ENOX1: variants seen among roughly 807,000 people sequenced by gnomAD.
ENOX1 encodes the protein candidate growth-related and time keeping constitutive hydroquinone (NADH) oxidase.
In ENOX1, 42 loss-of-function variants were observed where a neutral mutation model predicts 82.5. The observed-to-expected ratio is 0.51, with a 90% CI of 0.40 to 0.66. The LOEUF is 0.66. Among genes scored for constraint, ENOX1 ranks in the 30% least tolerant of loss-of-function variants. ENOX1 has a pLI of 0.00. For missense variants in ENOX1, 608 were observed against 811.6 expected (o/e 0.75, Z 3.05); for synonymous variants, 271 against 282.2 (o/e 0.96, Z 0.40).
intron 2 of ENOX1, among the ~76,000 whole-genome samples, chr13:43,643,482 T>C (rs2083749748): frequency 6.6e-6 from 1 of 152,184 alleles, no homozygotes; most frequent in Non-Finnish European, 1.5e-5. Context: ...TCCTTTGGAA[T>C]AGCTACTATT....
intron 2 of ENOX1, among the ~76,000 whole-genome samples, chr13:43,660,319 A>G (rs138283863): frequency 3.0e-4 from 45 of 152,256 alleles, no homozygotes; most frequent in African/African-American, 8.9e-4. Flanking sequence ...CTTAAACATC[A>G]TTTTAATGAA....
intron 2 of ENOX1, among the ~76,000 whole-genome samples, chr13:43,633,533 C>G: frequency 6.6e-6 from 1 of 151,900 alleles, no homozygotes; most frequent in East Asian, 1.9e-4. Context: ...TATTAAGTAT[C>G]CATACCAAGG....
At chr13:43,773,308 C>T (rs926586815) in intron 1 of ENOX1, among the ~76,000 whole-genome samples, 2 of 152,198 alleles carry the variant, frequency 1.3e-5, no homozygotes, top group Admixed American at 6.5e-5. Flanking sequence ...GAATTGTTCA[C>T]TTTAAAATGG....
At chr13:43,739,034 C>A (rs531215763) in intron 1 of ENOX1, among the ~76,000 whole-genome samples, 18 of 152,150 alleles carry the variant, frequency 1.2e-4, no homozygotes, top group Non-Finnish European at 2.4e-4. Context: ...AAAAACTATC[C>A]TATCTCCCAT....
intron 12 of ENOX1, among the ~76,000 whole-genome samples, chr13:43,290,598 A>G (rs1365145894): frequency 1.3e-5 from 2 of 152,162 alleles, no homozygotes; most frequent in Non-Finnish European, 2.9e-5. Flanking sequence ...GTGGGCTGCT[A>G]TAGGGGAGAG....
intron 2 of ENOX1, among the ~76,000 whole-genome samples, chr13:43,501,102 C>T (rs2076965306): frequency 6.6e-6 from 1 of 151,528 alleles, no homozygotes; most frequent in Non-Finnish European, 1.5e-5. Context: ...TAAGATTCAA[C>T]TATGTGTTGT....
chr13:43,422,839 T>A (rs1363342155), intron 3 of ENOX1, among the ~76,000 whole-genome samples: 1 of 152,170 alleles, frequency 6.6e-6, no homozygotes, highest in Non-Finnish European at 1.5e-5. Flanking sequence ...TCAGGAAAAC[T>A]TTGCTTTTGG....
chr13:43,225,657 A>G (rs768576937), intron 15 of ENOX1, among the ~76,000 whole-genome samples: 2 of 152,172 alleles, frequency 1.3e-5, no homozygotes, highest in Non-Finnish European at 2.9e-5. Context: ...TTGATCTGCC[A>G]TAGGGTTTCA....
At chr13:43,540,989 T>C (rs2153693857) in intron 2 of ENOX1, among the ~76,000 whole-genome samples, 1 of 152,226 alleles carries the variant, frequency 6.6e-6, no homozygotes, top group East Asian at 1.9e-4. Flanking sequence ...ATCAACAGGC[T>C]GATGAGAGGT....
intron 2 of ENOX1, among the ~76,000 whole-genome samples, chr13:43,666,763 C>T (rs960949319): frequency 1.3e-5 from 2 of 152,156 alleles, no homozygotes; most frequent in African/African-American, 4.8e-5. Context: ...ACAAAATTAC[C>T]ATGGTCATCA....
At chr13:43,685,037 G>T (rs146074700) in intron 1 of ENOX1, among the ~76,000 whole-genome samples, 192 of 152,058 alleles carry the variant, frequency 1.3e-3, no homozygotes, top group African/African-American at 3.9e-3. Flanking sequence ...TTTCTTTTTG[G>T]CCTTACTGTG....
At chr13:43,324,900 C>T (rs1279716355) in intron 10 of ENOX1, among the ~76,000 whole-genome samples, 2 of 152,242 alleles carry the variant, frequency 1.3e-5, no homozygotes, top group African/African-American at 2.4e-5. Context: ...CACTCACATT[C>T]TAATGATGGC....
chr13:43,387,910 G>C (rs780387692), intron 5 of ENOX1, among the ~76,000 whole-genome samples: 2 of 152,138 alleles, frequency 1.3e-5, no homozygotes, highest in African/African-American at 4.8e-5. Context: ...TTGCAGTATA[G>C]GAGGTAAAAT....
In ENOX1 at chr13:43,434,937, GTTTTTTTTT is replaced by G. The variant is rs537775258; in HGVS notation, c.-74-21958_-74-21950del. Among the ~76,000 whole-genome samples, 5 of 75,906 alleles carry G rather than the reference GTTTTTTTTT, an allele frequency of 6.6e-5. No individual in the cohort carries two copies. The East Asian group carries it at 2.6e-3, about 39-fold the overall frequency. 49.8% of individuals were successfully genotyped at this position (75,906 alleles called of 152,430 possible). A position where few individuals can be genotyped will look rare whatever the true frequency, so the allele number is the denominator to read the frequency against. On this transcript the variant is annotated intron_variant, in intron 3 of 16. Transcript: ENST00000690772. ...CGTGTCTTATTATTGTGTGTGTGTG[GTTTTTTTTT>G]TTTTTTTTTTTTTTTTGTATATCTA...
intron 2 of ENOX1, among the ~76,000 whole-genome samples, chr13:43,600,188 T>G (rs933356965): frequency 9.2e-5 from 14 of 152,140 alleles, no homozygotes; most frequent in Non-Finnish European, 1.9e-4. Context: ...AGGAACCAGC[T>G]CCGTCACAGT....
intron 2 of ENOX1, among the ~76,000 whole-genome samples, chr13:43,582,387 G>T (rs2080785012): frequency 6.6e-6 from 1 of 151,886 alleles, no homozygotes; most frequent in Non-Finnish European, 1.5e-5. Context: ...ACAGAAAGCA[G>T]AAAAAGTAAT....
At chr13:43,338,886 C>T (rs4942219) in intron 9 of ENOX1, among the ~76,000 whole-genome samples, 114,905 of 151,246 alleles carry the variant, frequency 0.76, 43,638 homozygotes, top group South Asian at 0.88. Flanking sequence ...GGGGTTTCAC[C>T]GTGTTAGCCA....
chr13:43,591,116 T>C (rs2081228558), intron 2 of ENOX1, among the ~76,000 whole-genome samples: 2 of 152,220 alleles, frequency 1.3e-5, no homozygotes, highest in Non-Finnish European at 2.9e-5. Flanking sequence ...TGGCTAATTA[T>C]TTCAATGACT....
At position 43,598,374 on chromosome 13, in the gene ENOX1, T is replaced by C. The variant is rs199899771; in HGVS notation, c.-219+69105A>G. Among the ~76,000 whole-genome samples the C allele has an allele frequency of 1.6e-4, 24 of 152,332 alleles. No individual in the cohort carries two copies. The East Asian group carries it at 4.6e-3, about 29-fold the overall frequency. The stretch of plus-strand genomic sequence containing the variant: ...CACATCATAGGAACAAGATAAATGT[T>C]TGTTAAATGAGTGAACATTTCTCCT... On this transcript the variant is annotated intron_variant, in intron 2 of 16. Transcript: ENST00000690772.
Sources: gnomAD v4.1 joint callset for allele counts (sites outside exome capture counted in the v4.1 genomes callset) on GRCh38, gnomAD v4.1.1 for gene constraint, MANE v1.5 for transcripts, NCBI Gene and HGNC (gene_info 2026-07-23, HGNC 2026-07-21) for gene names.